VPS8: variants seen among roughly 807,000 people sequenced by gnomAD.
VPS8 encodes the protein VPS8 subunit of CORVET complex.
A neutral mutation model predicts 216.4 loss-of-function variants in VPS8; 129 were observed. The observed-to-expected ratio is 0.60, with a 90% CI of 0.52 to 0.69. The LOEUF is 0.69. VPS8 is among the 30% of genes least tolerant of loss of function. The probability of loss-of-function intolerance (pLI) is 0.00; values close to 1 mark genes in which losing one functional copy is unlikely to be tolerated. For missense variants in VPS8, 1,531 were observed against 1,683.5 expected (o/e 0.91, Z 1.59); for synonymous variants, 571 against 565.4 (o/e 1.01, Z -0.14).
At chr3:184,827,139 C>T (rs370474501) in intron 3 of VPS8, among the ~76,000 whole-genome samples, 2 of 152,366 alleles carry the variant, frequency 1.3e-5, no homozygotes, top group East Asian at 1.9e-4. Context: ...GAAAGGCCCA[C>T]GTATACCAAA....
At chr3:184,836,408 A>AT (rs1217964511) in intron 5 of VPS8, 2 of 430,526 alleles carry the variant, frequency 4.6e-6, no homozygotes, top group African/African-American at 4.1e-5. Flanking sequence ...AGTTTTAAAA[A>AT]TATTTTGAGT....
At chr3:184,903,849 G>A (rs1430049059) in intron 25 of VPS8, among the ~76,000 whole-genome samples, 1 of 146,652 alleles carries the variant, frequency 6.8e-6, no homozygotes, top group Admixed American at 6.6e-5. Flanking sequence ...TTTTATTACT[G>A]TCTTAATATT....
chr3:184,982,989 A>T, intron 41 of VPS8, 23 bp from the exon 42 acceptor site: 2 of 1,560,934 alleles, frequency 1.3e-6, no homozygotes, highest in Non-Finnish European at 1.7e-6. Flanking sequence ...ACTAACCTTA[A>T]TGTTAATATT....
intron 36 of VPS8, chr3:184,944,442 C>T (rs1743312882): frequency 1.1e-6 from 1 of 949,192 alleles, no homozygotes; most frequent in South Asian, 4.9e-5. Context: ...GGGTGCATTG[C>T]TGCTGGCCAT....
chr3:184,818,019 A>T (rs1178507361), intron 1 of VPS8, among the ~76,000 whole-genome samples: 1 of 152,206 alleles, frequency 6.6e-6, no homozygotes, highest in African/African-American at 2.4e-5. Context: ...GAAGAAAGGA[A>T]GTTAGATAAA....
chr3:184,936,146 G>T (rs976037676), intron 34 of VPS8, 100 bp from the exon 35 acceptor site: 2 of 961,306 alleles, frequency 2.1e-6, no homozygotes, highest in South Asian at 1.7e-5. Flanking sequence ...CAGCATGGAA[G>T]CTTGCGACTG....
chr3:184,905,095 A>C (rs1344802172), intron 25 of VPS8, among the ~76,000 whole-genome samples: 1 of 152,096 alleles, frequency 6.6e-6, no homozygotes, highest in Non-Finnish European at 1.5e-5. Context: ...AAAAGAGTGA[A>C]CCCAGTCCAT....
At chr3:184,999,029 G>A (rs1446267220) in intron 44 of VPS8, among the ~76,000 whole-genome samples, 1 of 151,136 alleles carries the variant, frequency 6.6e-6, no homozygotes, top group East Asian at 1.9e-4. Context: ...CTACAGGTGT[G>A]TGCCACCACA....
At chr3:184,936,214 A>C in intron 34 of VPS8, 32 bp from the exon 35 acceptor site, 1 of 1,548,458 alleles carries the variant, frequency 6.5e-7, no homozygotes, top group Non-Finnish European at 8.8e-7. Context: ...ATGAGCCATT[A>C]GAGATGGCTT....
intron 25 of VPS8, among the ~76,000 whole-genome samples, chr3:184,902,356 G>A (rs1291980814): frequency 2.0e-5 from 3 of 151,544 alleles, no homozygotes; most frequent in African/African-American, 7.3e-5. Context: ...GGTGCCTGTA[G>A]TCCCAGCTAC....
intron 21 of VPS8, 125 bp from the exon 22 acceptor site, chr3:184,885,984 AC>A (rs1354517438): frequency 3.8e-6 from 4 of 1,040,216 alleles, no homozygotes; most frequent in Non-Finnish European, 5.6e-6. Flanking sequence ...CAAATTGCTT[AC>A]CAAAAGCATG....
At chr3:184,927,647 A>C (rs1005251525) in intron 31 of VPS8, among the ~76,000 whole-genome samples, 1 of 152,200 alleles carries the variant, frequency 6.6e-6, no homozygotes, top group Non-Finnish European at 1.5e-5. Flanking sequence ...TGGTATTCAC[A>C]TTGTACAATC....
At chr3:184,944,716 C>T (rs766010483) in intron 36 of VPS8, 1 of 346,444 alleles carries the variant, frequency 2.9e-6, no homozygotes, top group Non-Finnish European at 4.1e-6. Context: ...AGGAAAAAAA[C>T]ACATACGTCA....
intron 46 of VPS8, among the ~76,000 whole-genome samples, chr3:185,034,555 G>A (rs991816617): frequency 9.2e-5 from 14 of 152,108 alleles, no homozygotes; most frequent in African/African-American, 3.4e-4. Context: ...TGGATGCATA[G>A]TTTGAGAATA....
chr3:184,869,220 G>A lies in VPS8; in HGVS notation c.1597+184G>A, dbSNP rs529164458. Among the ~76,000 whole-genome samples the A allele has an allele frequency of 3.9e-5, 6 of 152,174 alleles. No individual in the cohort carries two copies. The South Asian group carries it at 1.2e-3, about 32-fold the overall frequency. ...TGACAAATAATGTGACAAATAGAGG[G>A]TATAGAAATTAAAATGTCGCTTTTA... is the stretch of plus-strand genomic sequence containing the variant. On this transcript the variant is annotated intron_variant, in intron 19 of 47. Transcript: ENST00000625842.
chr3:184,867,040 C>A, intron 17 of VPS8, 90 bp downstream of exon 17: 2 of 1,177,838 alleles, frequency 1.7e-6, no homozygotes, highest in Non-Finnish European at 2.4e-6. Flanking sequence ...CAGTATATTG[C>A]AAAGTGAATA....
chr3:184,930,320 T>C (rs1479823052), intron 33 of VPS8, 150 bp from the exon 34 acceptor site: 3 of 518,154 alleles, frequency 5.8e-6, no homozygotes, highest in African/African-American at 5.7e-5. Flanking sequence ...AATTACTCTT[T>C]ATTTTTAGGG....
At chr3:184,841,142 GA>G (rs1722062878) in intron 7 of VPS8, among the ~76,000 whole-genome samples, 2 of 152,084 alleles carry the variant, frequency 1.3e-5, no homozygotes, top group Non-Finnish European at 2.9e-5. Context: ...AGAATTGATT[GA>G]AAAAGACTCT....
chr3:184,852,562 ATT>A lies in VPS8; in HGVS notation c.818_819del (p.Phe273Ter). The A allele has an allele frequency of 6.2e-7, 1 of 1,613,518 alleles. No individual in the cohort carries two copies. ...GCGGAGGCTCTGTTTTTGAATTGAC[ATT>A]TAAGTAAGAGACTAGTGGACATTTG... ...DSGGSVFELT[F>X]KRVMGVRTCE... On this transcript the variant is annotated frameshift_variant, in exon 11 of 48. Transcript: ENST00000625842. LOFTEE classifies it high-confidence loss of function.
Sources: gnomAD v4.1 joint callset for allele counts (sites outside exome capture counted in the v4.1 genomes callset) on GRCh38, gnomAD v4.1.1 for gene constraint, MANE v1.5 for transcripts, NCBI Gene and HGNC (gene_info 2026-07-23, HGNC 2026-07-21) for gene names.